Variants in GEN1 observed in about 807,000 individuals in gnomAD.
GEN1 encodes the protein flap endonuclease GEN homolog 1.
Under a neutral mutation model 67.6 loss-of-function variants are expected in GEN1, and 64 were observed. The observed-to-expected ratio is 0.95, with a 90% CI of 0.77 to 1.17. GEN1 has a LOEUF of 1.17. Ranked by LOEUF, GEN1 falls within the 50% of genes most tolerant of loss-of-function variation. GEN1 has a pLI of 0.00. For missense variants in GEN1, 1,058 were observed against 1,048.3 expected (o/e 1.01, Z -0.13); for synonymous variants, 371 against 359.4 (o/e 1.03, Z -0.37).
intron 1 of GEN1, chr2:17,755,120 A>G (rs960195590): frequency 5.3e-5 from 8 of 152,244 alleles, no homozygotes; most frequent in Non-Finnish European, 1.2e-4. Context: ...AATCACATAT[A>G]TATTATATTC....
chr2:17,767,375 G>A (rs1029592309), intron 5 of GEN1, among the ~76,000 whole-genome samples: 3 of 152,152 alleles, frequency 2.0e-5, no homozygotes, highest in South Asian at 2.1e-4. Flanking sequence ...CTTACAATCC[G>A]TCATTTTACC....
chr2:17,787,306 T>C lies in GEN1; in HGVS notation c.*5367T>C, dbSNP rs1484907081. On this transcript the variant is annotated 3_prime_UTR_variant, in exon 14 of 14. Coordinates refer to ENST00000381254, the MANE Select transcript of GEN1 (RefSeq NM_001130009.3). ...TATTCCTTACTTAAAAATGCCTCTA[T>C]CTCTCCCTCAGATAAGACTAAGATC... is the stretch of plus-strand genomic sequence containing the variant. 6.6e-6 allele frequency: 1 copy of C among 152,194 alleles called. No homozygotes were observed. The highest frequency in any genetic ancestry group is 1.9e-4 in the East Asian group (1 of 5,202). The allele number at this position is 152,194 out of a possible 1,614,324, so 9.4% of individuals were successfully genotyped here. A position where few individuals can be genotyped will look rare whatever the true frequency, so the allele number is the denominator to read the frequency against.
chr2:17,767,793 C>G (rs114438777), intron 5 of GEN1, among the ~76,000 whole-genome samples: 1 of 152,166 alleles, frequency 6.6e-6, no homozygotes, highest in Non-Finnish European at 1.5e-5. Context: ...TATGTATTTA[C>G]ATTGTTCTAC....
Position 17,781,490 on chromosome 2 carries a change from AAC to A in GEN1, c.2282_2283del (p.Thr761SerfsTer8). 1 of 1,613,642 alleles carries A rather than the reference AAC, an allele frequency of 6.2e-7. No homozygotes were observed. The highest frequency in any genetic ancestry group is 1.1e-5 in the South Asian group (1 of 91,078). ...VNTSVPYSVS[N>X]TVVKTCNVRP... ...TACTTCTGTCCCTTATTCTGTCAGT[AAC>A]ACAGTGGTAAAGACCTGCAATGTTA... On this transcript the variant is annotated frameshift_variant, in exon 14 of 14. Coordinates refer to ENST00000381254, the MANE Select transcript of GEN1 (RefSeq NM_001130009.3). LOFTEE classifies it low-confidence loss of function (END_TRUNC).
chr2:17,773,806 G>A (rs1215819685), intron 10 of GEN1, among the ~76,000 whole-genome samples: 1 of 151,990 alleles, frequency 6.6e-6, no homozygotes, highest in African/African-American at 2.4e-5. Context: ...CTAGGGACAC[G>A]GAGTGGCTCA....
chr2:17,756,463 T>C (rs1204758782), intron 1 of GEN1, among the ~76,000 whole-genome samples: 1 of 152,138 alleles, frequency 6.6e-6, no homozygotes, highest in Admixed American at 6.5e-5. Flanking sequence ...AATATACTTA[T>C]TCATTATAAA....
At chr2:17,761,308 G>A in intron 2 of GEN1, 88 bp from the exon 3 acceptor site, 1 of 684,560 alleles carries the variant, frequency 1.5e-6, no homozygotes. Flanking sequence ...TTTGATACTA[G>A]TCTAATGTTC....
At chr2:17,780,524 A>T in intron 13 of GEN1, 97 bp from the exon 14 acceptor site, 1 of 768,380 alleles carries the variant, frequency 1.3e-6, no homozygotes, top group Non-Finnish European at 2.1e-6. Flanking sequence ...GAAACTATTC[A>T]TAGAGATTTC....
chr2:17,761,651 G>T, intron 3 of GEN1, 69 bp downstream of exon 3: 1 of 1,062,814 alleles, frequency 9.4e-7, no homozygotes, highest in Non-Finnish European at 1.4e-6. Context: ...TTAATAGTTT[G>T]TCATCTTTAA....
chr2:17,761,337 A>G (rs1035703066), intron 2 of GEN1, 59 bp from the exon 3 acceptor site: 5 of 907,118 alleles, frequency 5.5e-6, no homozygotes, highest in African/African-American at 1.7e-5. Context: ...GTGTTATACT[A>G]TTTTGACTTT....
intron 11 of GEN1, among the ~76,000 whole-genome samples, chr2:17,776,445 C>T (rs1672439374): frequency 6.6e-6 from 1 of 152,046 alleles, no homozygotes; most frequent in African/African-American, 2.4e-5. Flanking sequence ...TCTACATAGA[C>T]AGGCTGCAGT....
chr2:17,757,595 G>GA (rs1196416863), intron 1 of GEN1, among the ~76,000 whole-genome samples: 1 of 152,140 alleles, frequency 6.6e-6, no homozygotes, highest in East Asian at 1.9e-4. Flanking sequence ...AGTTGCCAGA[G>GA]AAAATATGTG....
intron 12 of GEN1, among the ~76,000 whole-genome samples, chr2:17,778,560 G>A (rs993602373): frequency 2.0e-5 from 3 of 151,028 alleles, no homozygotes; most frequent in Non-Finnish European, 4.4e-5. Context: ...ATTTTAGATA[G>A]GTTTTGACTA....
chr2:17,782,048 G>A lies in GEN1; in HGVS notation c.*109G>A, dbSNP rs951473178. 4 of 599,028 alleles carry A rather than the reference G, an allele frequency of 6.7e-6. No individual in the cohort carries two copies. The highest frequency in any genetic ancestry group is 5.7e-5 in the African/African-American group (3 of 52,578). The allele number at this position is 599,028 out of a possible 1,614,324, so 37.1% of individuals were successfully genotyped here. A position where few individuals can be genotyped will look rare whatever the true frequency, so the allele number is the denominator to read the frequency against. ...TGGTAAAAATTTTAATGTTCTCTGT[G>A]TCATGAAACACTTGCCATTTTAATC... On this transcript the variant is annotated 3_prime_UTR_variant, in exon 14 of 14. Transcript: ENST00000381254.
Position 17,774,397 on chromosome 2 carries a change from A to G in GEN1, c.1198A>G (p.Ile400Val), listed in dbSNP as rs780793654. The G allele has an allele frequency of 5.6e-6, 9 of 1,599,318 alleles. No homozygotes were observed. The East Asian group carries it at 1.6e-4, about 28-fold the overall frequency. ...GSRNSNQLQP[I>V]RIVKTRIRNG... ...CAGAAACTCTAATCAACTACAGCCA[A>G]TTCGGTAATGTAAAGAACTGTATGG... Residue 400 changes from isoleucine (I) to valine (V), a missense_variant, in exon 11 of 14, where the codon ATT (isoleucine) becomes GTT (valine). Transcript: ENST00000381254.
intron 5 of GEN1, among the ~76,000 whole-genome samples, chr2:17,768,488 TATATAACTCGCTGA>T (rs1672032365): frequency 1.3e-5 from 2 of 152,340 alleles, no homozygotes; most frequent in Non-Finnish European, 2.9e-5. Context: ...AGTGGTTTGG[TATATAACTCGCTGA>T]AATTTTTGTT....
rs1014247385 is a variant in GEN1 at position 17,781,364 on chromosome 2, C to T, written c.2152C>T (p.His718Tyr). 6.2e-7 allele frequency: 1 copy of T among 1,613,754 alleles called. No individual in the cohort carries two copies. Among genetic ancestry groups the T allele is most frequent in the Non-Finnish European group, 8.5e-7 (1 of 1,179,882 alleles). The change falls in exon 14 of 14, where the codon CAT becomes TAT. Residue 718 changes from histidine to tyrosine, a missense_variant. Coordinates refer to ENST00000381254, the MANE Select transcript of GEN1 (RefSeq NM_001130009.3). ...IANSGSDCTS[H>Y]LSKDLPGIPL... ...TAACAGTGGTTCTGATTGTACATCA[C>T]ATCTTTCAAAGGATCTTCCAGGAAT...
chr2:17,766,275 C>A (rs1380495214), intron 4 of GEN1, among the ~76,000 whole-genome samples: 1 of 152,156 alleles, frequency 6.6e-6, no homozygotes, highest in Admixed American at 6.5e-5. Context: ...TCAAGTAATT[C>A]TTGTGCCTCA....
intron 12 of GEN1, among the ~76,000 whole-genome samples, chr2:17,778,355 TAC>T (rs1295117293): frequency 2.0e-5 from 1 of 49,912 alleles, no homozygotes; most frequent in Non-Finnish European, 4.0e-5. Context: ...CACATGTGTG[TAC>T]ATATATGTAT....
Sources: gnomAD v4.1 joint callset for allele counts (sites outside exome capture counted in the v4.1 genomes callset) on GRCh38, gnomAD v4.1.1 for gene constraint, MANE v1.5 for transcripts, NCBI Gene and HGNC (gene_info 2026-07-23, HGNC 2026-07-21) for gene names.